The following ANO3 variants were observed in gnomAD, a reference collection of about 807,000 sequenced individuals.
ANO3 encodes the protein anoctamin 3.
In ANO3, 99 loss-of-function variants were observed where a neutral mutation model predicts 144.8. The observed-to-expected ratio is 0.68, with a 90% CI of 0.58 to 0.81. ANO3 has a LOEUF of 0.81. ANO3 is among the 30% of genes least tolerant of loss of function. The pLI is 0.00. For synonymous variants in ANO3, 414 were observed against 392.6 expected, an observed-to-expected ratio of 1.05 and a Z score of -0.64; for missense variants, 905 against 1,202.2, an observed-to-expected ratio of 0.75 and a Z score of 3.66.
chr11:26,293,833 A>C (rs1854023059), intron 1 of ANO3, among the ~76,000 whole-genome samples: 2 of 152,072 alleles, frequency 1.3e-5, no homozygotes. Flanking sequence ...CTCCGTAATA[A>C]GTTTATCAGA....
At chr11:26,288,477 TG>T (rs571682247) in intron 1 of ANO3, among the ~76,000 whole-genome samples, 77 of 152,284 alleles carry the variant, frequency 5.1e-4, no homozygotes, top group Admixed American at 1.1e-3. Flanking sequence ...TTTCTGTGAG[TG>T]GGTAGGAAAG....
intron 1 of ANO3, among the ~76,000 whole-genome samples, chr11:26,208,946 G>A (rs1851873871): frequency 6.6e-6 from 1 of 152,162 alleles, no homozygotes; most frequent in African/African-American, 2.4e-5. Flanking sequence ...TGCTCTTCCT[G>A]TAAATGAAAA....
intron 17 of ANO3, among the ~76,000 whole-genome samples, chr11:26,618,984 T>C (rs1449886645): frequency 1.3e-5 from 2 of 152,342 alleles, no homozygotes; most frequent in East Asian, 3.9e-4. Flanking sequence ...TCTGAAGAAT[T>C]AAGCAATCCA....
chr11:26,365,981 TATATATATATATATATATA>T lies in ANO3; in HGVS notation c.46+33661_46+33679del, dbSNP rs1226049913. On this transcript the variant is annotated intron_variant, in intron 1 of 26. Transcript: ENST00000256737. ...ATATATATATATATATATATATATATATATATATATATATATATATATTTTAATTATACTTTAAGTTCTA... is the reference window on the plus strand; with the variant it reads ...ATATATATATATATATATATATATATTATTTTAATTATACTTTAAGTTCTA... Among the ~76,000 whole-genome samples the T allele has an allele frequency of 0.03, 215 of 7,252 alleles. 4 individuals are homozygous for T. In the East Asian group the frequency reaches 0.3, roughly 10 times the overall value. 4.8% of individuals were successfully genotyped at this position (7,252 alleles called of 152,430 possible). A position where few individuals can be genotyped will look rare whatever the true frequency, so the allele number is the denominator to read the frequency against.
intron 21 of ANO3, among the ~76,000 whole-genome samples, chr11:26,640,995 T>C (rs1196889732): frequency 2.0e-5 from 3 of 152,118 alleles, no homozygotes; most frequent in Non-Finnish European, 4.4e-5. Flanking sequence ...GCCACTTAGG[T>C]TCCGTGATTA....
intron 1 of ANO3, among the ~76,000 whole-genome samples, chr11:26,210,368 C>T (rs1316536865): frequency 6.6e-6 from 1 of 152,058 alleles, no homozygotes; most frequent in Non-Finnish European, 1.5e-5. Context: ...ACAGTACCAT[C>T]CTGTTTTGGT....
At chr11:26,581,728 A>G (rs1160264583) in intron 14 of ANO3, among the ~76,000 whole-genome samples, 1 of 150,654 alleles carries the variant, frequency 6.6e-6, no homozygotes, top group Non-Finnish European at 1.5e-5. Flanking sequence ...AAGAAACAAG[A>G]TGCCATGCCA....
chr11:26,368,389 T>G (rs1373054964), intron 1 of ANO3, among the ~76,000 whole-genome samples: 4 of 152,200 alleles, frequency 2.6e-5, no homozygotes, highest in Non-Finnish European at 5.9e-5. Context: ...TGTATCAAAG[T>G]TTACATCAAC....
chr11:26,373,718 A>ATGTGT (rs1856326672), intron 1 of ANO3, among the ~76,000 whole-genome samples: 1 of 152,176 alleles, frequency 6.6e-6, no homozygotes, highest in African/African-American at 2.4e-5. Flanking sequence ...ACAGTCCCAC[A>ATGTGT]CACAAAGACA....
intron 1 of ANO3, among the ~76,000 whole-genome samples, chr11:26,387,682 G>T (rs1856771762): frequency 6.6e-6 from 1 of 152,030 alleles, no homozygotes; most frequent in Non-Finnish European, 1.5e-5. Context: ...CATTAGTAGA[G>T]GCCTCTTTCC....
chr11:26,461,470 A>AT (rs1344929249), intron 3 of ANO3, among the ~76,000 whole-genome samples: 1 of 151,884 alleles, frequency 6.6e-6, no homozygotes, highest in Non-Finnish European at 1.5e-5. Flanking sequence ...CTATCTACGT[A>AT]TTTTTCTCAA....
intron 17 of ANO3, among the ~76,000 whole-genome samples, chr11:26,603,565 C>T (rs548132957): frequency 2.0e-4 from 31 of 151,992 alleles, no homozygotes; most frequent in South Asian, 8.3e-4. Context: ...AAGGTAGTAT[C>T]ATATAAACTA....
chr11:26,657,840 C>G (rs769594676), intron 26 of ANO3, among the ~76,000 whole-genome samples: 1 of 152,008 alleles, frequency 6.6e-6, no homozygotes, highest in Admixed American at 6.6e-5. Context: ...TTCTGTCTTC[C>G]GTATGATATT....
chr11:26,236,351 T>C (rs2133806831), intron 1 of ANO3, among the ~76,000 whole-genome samples: 1 of 152,322 alleles, frequency 6.6e-6, no homozygotes, highest in African/African-American at 2.4e-5. Context: ...ATTATACCAA[T>C]TGATATTCTC....
intron 4 of ANO3, among the ~76,000 whole-genome samples, chr11:26,467,496 A>AT (rs1269070070): frequency 6.6e-6 from 1 of 151,756 alleles, no homozygotes; most frequent in African/African-American, 2.4e-5. Context: ...AATTGTTTTA[A>AT]TTTTTAGCTC....
At chr11:26,537,892 G>T (rs1849551376) in intron 10 of ANO3, among the ~76,000 whole-genome samples, 1 of 152,124 alleles carries the variant, frequency 6.6e-6, no homozygotes, top group African/African-American at 2.4e-5. Flanking sequence ...CTCCCTACAG[G>T]TTTTAAATAG....
chr11:26,514,129 A>G (rs887419137), intron 5 of ANO3, among the ~76,000 whole-genome samples: 1 of 152,050 alleles, frequency 6.6e-6, no homozygotes, highest in African/African-American at 2.4e-5. Flanking sequence ...AGAGAAAAAC[A>G]TTTAACTCAT....
chr11:26,491,711 C>T (rs1860716116), intron 4 of ANO3, among the ~76,000 whole-genome samples: 1 of 152,190 alleles, frequency 6.6e-6, no homozygotes, highest in Non-Finnish European at 1.5e-5. Context: ...AGTTTGTCCG[C>T]AACCTTCCCA....
chr11:26,518,066 A>C (rs116907991), intron 6 of ANO3, among the ~76,000 whole-genome samples: 13,361 of 151,926 alleles, frequency 0.088, 832 homozygotes, highest in Admixed American at 0.14. Flanking sequence ...GGATCTTGGC[A>C]AAAAAAGAAT....
Sources: allele counts gnomAD v4.1 joint callset (sites outside exome capture counted in the v4.1 genomes callset), GRCh38; gene constraint gnomAD v4.1.1; transcripts MANE v1.5; gene names NCBI Gene and HGNC (gene_info 2026-07-23, HGNC 2026-07-21).